Variants in IQSEC2 observed in about 807,000 individuals in gnomAD.
The protein encoded by IQSEC2 is IQ motif and SEC7 domain-containing protein 2.
A neutral mutation model predicts 74.6 loss-of-function variants in IQSEC2; 6 were observed. The ratio of observed to expected loss-of-function variants is 0.08; its 90% CI spans 0.04 to 0.16. The LOEUF is 0.16. Ranked by LOEUF, IQSEC2 falls within the 10% of genes least tolerant of loss-of-function variation. The probability of loss-of-function intolerance (pLI) is 1.00; values close to 1 mark genes in which losing one functional copy is unlikely to be tolerated. For synonymous variants in IQSEC2, 494 were observed against 544.5 expected (o/e 0.91, Z 1.29); for missense variants, 734 against 1,306.2 (o/e 0.56, Z 6.75).
At chrX:53,252,473 C>T (rs996849891) in intron 4 of IQSEC2, among the ~76,000 whole-genome samples, 2 of 110,870 alleles carry the variant, frequency 1.8e-5, no homozygotes, top group Non-Finnish European at 3.8e-5. Context: ...CACTCTTGGT[C>T]GCTTGTCACT....
intron 1 of IQSEC2, among the ~76,000 whole-genome samples, chrX:53,297,662 C>A (rs1255226040): frequency 9.0e-6 from 1 of 111,294 alleles, no homozygotes; most frequent in African/African-American, 3.3e-5. Flanking sequence ...CGGCTTAGTT[C>A]TCTTCATACA....
At chrX:53,300,768 C>T (rs953211034) in intron 1 of IQSEC2, among the ~76,000 whole-genome samples, 2 of 111,591 alleles carry the variant, frequency 1.8e-5, no homozygotes, top group African/African-American at 6.5e-5. Context: ...GGAAGCCTAT[C>T]GCAGCATGAT....
At chrX:53,292,072 A>AAT (rs2075106092) in intron 1 of IQSEC2, 148 bp from the exon 2 acceptor site, 6 of 476,653 alleles carry the variant, frequency 1.3e-5, no homozygotes, top group Non-Finnish European at 1.8e-5. Context: ...GAGAGAAGAG[A>AAT]ATAGCAAGTG....
At chrX:53,317,958 C>A (rs782169291) in intron 1 of IQSEC2, among the ~76,000 whole-genome samples, 1 of 112,326 alleles carries the variant, frequency 8.9e-6, no homozygotes, top group African/African-American at 3.2e-5. Context: ...ATCCCAGACT[C>A]ATCTCCTCCT....
chrX:53,258,856 C>A (rs186745507), intron 2 of IQSEC2, among the ~76,000 whole-genome samples: 813 of 51,590 alleles, frequency 0.016, 5 homozygotes, highest in African/African-American at 0.048. Flanking sequence ...AACAAACAAA[C>A]AAACAAACAA....
chrX:53,260,124 G>A (rs1382875276), intron 2 of IQSEC2, among the ~76,000 whole-genome samples: 2 of 111,944 alleles, frequency 1.8e-5, no homozygotes, highest in African/African-American at 6.5e-5. Context: ...TGAAGTGCTA[G>A]GAAGGAAAAT....
Position 53,255,851 on chromosome X carries a change from G to A in IQSEC2, c.948C>T (p.Ser316=). The A allele has an allele frequency of 4.1e-6, 5 of 1,211,558 alleles. No individual in the cohort carries two copies. The highest frequency in any genetic ancestry group is 4.5e-6 in the Non-Finnish European group (4 of 895,258). ...RKQEEEEIKR[S]KALSDSYELS... ...GTTCATAGCTGTCCGATAGGGCCTT[G>A]GAGCGCTTTATCTCCTCCTCCTCCT... The change falls in exon 3 of 15, where the codon TCC becomes TCT. Residue 316 remains serine (S), a synonymous_variant. Coordinates refer to ENST00000642864, the MANE Select transcript of IQSEC2 (RefSeq NM_001111125.3).
chrX:53,300,032 G>T (rs2075195427), intron 1 of IQSEC2, among the ~76,000 whole-genome samples: 1 of 111,019 alleles, frequency 9.0e-6, no homozygotes, highest in African/African-American at 3.3e-5. Context: ...AGTTGGGGGG[G>T]GAATTACAGT....
Position 53,257,393 on chromosome X carries a change from G to A in IQSEC2, c.738-1332C>T, listed in dbSNP as rs2074491519. 2.7e-5 allele frequency among the ~76,000 whole-genome samples: 3 copies of A among 112,333 alleles called. No individual in the cohort carries two copies. In the Admixed American group the frequency reaches 2.8e-4, roughly 10 times the overall value. On this transcript the variant is annotated intron_variant, in intron 2 of 14. Transcript: ENST00000642864. ...CCCGGGCTGCAGCGCTGTGGAGCTC[G>A]GCTCCGCCCTGGGGAGAGCTCCCAC...
chrX:53,239,084 C>A, intron 11 of IQSEC2, 111 bp downstream of exon 11: 1 of 594,091 alleles, frequency 1.7e-6, no homozygotes, highest in Admixed American at 2.5e-5. Context: ...GCTTTGGAGA[C>A]CCTTAGTCCG....
intron 8 of IQSEC2, 152 bp from the exon 9 acceptor site, chrX:53,243,623 G>T: frequency 1.2e-6 from 1 of 823,014 alleles, no homozygotes; most frequent in Non-Finnish European, 1.6e-6. Flanking sequence ...ATTGGGGCAG[G>T]GAGGGTGTCC....
intron 9 of IQSEC2, 73 bp from the exon 10 acceptor site, chrX:53,241,982 T>C: frequency 8.8e-7 from 1 of 1,141,737 alleles, no homozygotes; most frequent in Non-Finnish European, 1.2e-6. Flanking sequence ...ACCTTAACTT[T>C]CAACCGCAAG....
Position 53,256,047 on chromosome X carries a change from G to A in IQSEC2, c.752C>T (p.Ala251Val). 1.7e-6 allele frequency: 2 copies of A among 1,174,575 alleles called. No homozygotes were observed. The highest frequency in any genetic ancestry group is 3.0e-5 in the East Asian group (1 of 33,205). The change falls in exon 3 of 15, where the codon GCC (alanine) becomes GTC (valine). Residue 251 changes from alanine (A) to valine (V), a missense_variant. Physicochemically the swap from Ala to Val is moderately conservative, Grantham distance 64. Around this residue, in one of 12 missense-constraint regions of IQSEC2, gnomAD observed 54 missense variants for 62.1 expected, o/e 0.87. Coordinates refer to ENST00000642864, the MANE Select transcript of IQSEC2 (RefSeq NM_001111125.3). ...NSRTVSVEGD[A>V]PGSDLSTAVD... ...CGCTGTGCTCAGGTCACTGCCTGGG[G>A]CATCACCCTCCACACTGTGGGGATG... is the stretch of plus-strand genomic sequence containing the variant.
At chrX:53,228,635 G>C (rs782419690), downstream of IQSEC2, among the ~76,000 whole-genome samples, 1 of 111,868 alleles carries the variant, frequency 8.9e-6, no homozygotes, top group South Asian at 3.7e-4. Context: ...TTTTTGGTTT[G>C]TAAAATATGA....
intron 2 of IQSEC2, chrX:53,281,388 G>A (rs2074959395): frequency 1.8e-5 from 8 of 453,345 alleles, no homozygotes; most frequent in Admixed American, 4.3e-5. Flanking sequence ...GTCCAAGAAG[G>A]GAGCCAGGAA....
intron 5 of IQSEC2, among the ~76,000 whole-genome samples, chrX:53,249,401 C>A (rs1162511173): frequency 1.8e-5 from 2 of 111,526 alleles, no homozygotes; most frequent in Non-Finnish European, 3.8e-5. Flanking sequence ...CACAGCTATC[C>A]CATATTCAGA....
chrX:53,264,679 A>G (rs2074627236), intron 2 of IQSEC2, among the ~76,000 whole-genome samples: 1 of 108,200 alleles, frequency 9.2e-6, no homozygotes, highest in African/African-American at 3.4e-5. Context: ...TCAAACCCTT[A>G]CCAGCCTTCA....
intron 12 of IQSEC2, chrX:53,237,908 T>C: frequency 2.3e-6 from 1 of 434,387 alleles, no homozygotes; most frequent in South Asian, 3.2e-5. Flanking sequence ...CCCTGATACC[T>C]TTCACTAGAA....
intron 2 of IQSEC2, among the ~76,000 whole-genome samples, chrX:53,290,709 C>T (rs909037712): frequency 3.6e-5 from 4 of 111,825 alleles, no homozygotes; most frequent in Admixed American, 1.9e-4. Flanking sequence ...TCTGGGTATC[C>T]GTGTGTTTAC....
Sources: allele counts gnomAD v4.1 joint callset (sites outside exome capture counted in the v4.1 genomes callset), GRCh38; gene constraint gnomAD v4.1.1; regional missense constraint gnomAD v4.1.1; transcripts MANE v1.5; gene names NCBI Gene and HGNC (gene_info 2026-07-23, HGNC 2026-07-21).